Variants in IFT57 observed in about 807,000 individuals in gnomAD.
IFT57 encodes the protein intraflagellar transport 57.
IFT57 carries 59 observed loss-of-function variants against 56.8 expected under a neutral mutation model. That is an observed-to-expected ratio of 1.04 (90% confidence interval 0.84 to 1.29). IFT57 has a LOEUF of 1.29. Among genes scored for constraint, IFT57 ranks in the 50% most tolerant of loss-of-function variants. The pLI is 0.00. For synonymous variants in IFT57, 209 were observed against 186.1 expected (o/e 1.12, Z -1.00); for missense variants, 470 against 522.1 (o/e 0.90, Z 0.97).
chr3:108,221,886 G>T (rs2080407919), intron 1 of IFT57: 1 of 818,466 alleles, frequency 1.2e-6, no homozygotes, highest in African/African-American at 1.7e-5. Flanking sequence ...GATCCTTTCT[G>T]CCGTTCCAAA....
intron 3 of IFT57, among the ~76,000 whole-genome samples, chr3:108,216,578 A>C (rs1169671256): frequency 6.6e-6 from 1 of 152,216 alleles, no homozygotes; most frequent in East Asian, 1.9e-4. Flanking sequence ...GAGGTGCCTC[A>C]AAAAACTAAA....
intron 10 of IFT57, among the ~76,000 whole-genome samples, 163 bp downstream of exon 10, chr3:108,163,499 GA>G (rs2080045080): frequency 6.6e-6 from 1 of 152,008 alleles, no homozygotes; most frequent in Non-Finnish European, 1.5e-5. Context: ...TGATTTATAA[GA>G]AAAACAGTAC....
chr3:108,210,960 C>A (rs1289772), intron 4 of IFT57, among the ~76,000 whole-genome samples: 118,583 of 152,038 alleles, frequency 0.78, 47,251 homozygotes, highest in Non-Finnish European at 0.86. Flanking sequence ...CACCCCCAAT[C>A]ATGGTGCCTT....
At chr3:108,213,844 TC>T in intron 4 of IFT57, 86 bp downstream of exon 4, 2 of 730,588 alleles carry the variant, frequency 2.7e-6, no homozygotes, top group Admixed American at 5.1e-5. Context: ...TAAAATATAT[TC>T]CAGATAATGG....
intron 6 of IFT57, among the ~76,000 whole-genome samples, chr3:108,179,239 A>T (rs377651234): frequency 6.6e-6 from 1 of 151,894 alleles, no homozygotes; most frequent in South Asian, 2.1e-4. Context: ...GGTAGGGCCA[A>T]GTGAGAGCTA....
chr3:108,187,654 A>C lies in IFT57; in HGVS notation c.777+3867T>G, dbSNP rs542027447. 5.1e-4 allele frequency among the ~76,000 whole-genome samples: 78 copies of C among 151,900 alleles called. 2 individuals are homozygous for C. The highest frequency in any genetic ancestry group is 1.8e-3 in the African/African-American group (74 of 41,424). ...GAAGGGTGCCTGATTAAAAAAAAAA[A>C]GTGTGAGAGAAAAACGCAAAACACA... is the stretch of plus-strand genomic sequence containing the variant. On this transcript the variant is annotated intron_variant, in intron 6 of 10. Transcript: ENST00000264538.
chr3:108,219,658 T>C (rs888270564), intron 1 of IFT57, 86 bp from the exon 2 acceptor site: 2 of 1,358,616 alleles, frequency 1.5e-6, no homozygotes, highest in Non-Finnish European at 2.1e-6. Flanking sequence ...TTCACAATTG[T>C]CCAACAATCT....
chr3:108,214,292 T>C (rs555468836), intron 3 of IFT57, among the ~76,000 whole-genome samples: 3 of 152,278 alleles, frequency 2.0e-5, no homozygotes, highest in Non-Finnish European at 2.9e-5. Context: ...TAAATACATA[T>C]GTATTTCTCA....
intron 4 of IFT57, among the ~76,000 whole-genome samples, chr3:108,209,039 G>A (rs999519419): frequency 1.3e-5 from 2 of 152,184 alleles, no homozygotes; most frequent in African/African-American, 4.8e-5. Flanking sequence ...ACCAGCTGAG[G>A]TGCTTACTGA....
chr3:108,199,577 ATGAATTTTGTCC>A (rs111303404), intron 5 of IFT57, among the ~76,000 whole-genome samples: 1 of 152,358 alleles, frequency 6.6e-6, no homozygotes, highest in African/African-American at 2.4e-5. Flanking sequence ...GGTAAGGAAT[ATGAATTTTGTCC>A]TCCAGCCAGA....
At chr3:108,169,784 CA>C (rs1466689821) in intron 6 of IFT57, among the ~76,000 whole-genome samples, 7 of 151,962 alleles carry the variant, frequency 4.6e-5, no homozygotes, top group African/African-American at 1.7e-4. Flanking sequence ...AGCAGCACAT[CA>C]AAAAGCTTAT....
At chr3:108,214,446 C>T (rs1348070411) in intron 3 of IFT57, among the ~76,000 whole-genome samples, 4 of 152,070 alleles carry the variant, frequency 2.6e-5, no homozygotes, top group Non-Finnish European at 5.9e-5. Flanking sequence ...TTTATCATTA[C>T]ACATACCATT....
At chr3:108,212,366 G>A (rs1445089517) in intron 4 of IFT57, among the ~76,000 whole-genome samples, 2 of 152,062 alleles carry the variant, frequency 1.3e-5, no homozygotes, top group Non-Finnish European at 1.5e-5. Flanking sequence ...AAGCCAGCAT[G>A]CCCACCCAAC....
intron 6 of IFT57, among the ~76,000 whole-genome samples, chr3:108,176,582 G>A (rs983133607): frequency 1.3e-5 from 2 of 151,804 alleles, no homozygotes; most frequent in African/African-American, 4.8e-5. Flanking sequence ...ATGAACACGA[G>A]GGAAGGTTGC....
At chr3:108,206,554 C>T (rs1302595626) in intron 5 of IFT57, 74 bp downstream of exon 5, 1 of 621,694 alleles carries the variant, frequency 1.6e-6, no homozygotes, top group East Asian at 3.2e-5. Flanking sequence ...ACAACGGTTT[C>T]TACTCATTTA....
rs1017459667 is a variant in IFT57, at chr3:108,165,484, G to A, written c.991C>T (p.Arg331Ter). 9.9e-6 allele frequency: 16 copies of A among 1,612,028 alleles called. No homozygotes were observed. Among genetic ancestry groups the A allele is most frequent in the East Asian group, 4.5e-5 (2 of 44,850 alleles). Residue 331 changes from arginine to a stop codon, truncating the protein, a stop_gained, in exon 9 of 11, where the codon CGA becomes TGA. Transcript: ENST00000264538. LOFTEE classifies it high-confidence loss of function. ...AQAQLSEAKE[R>*]YQQGNGGVTE... ...ACTCCTCCATTTCCCTGCTGGTATC[G>A]CTCCTTTGCCTGAGAGGAAAAACAT... is the stretch of plus-strand genomic sequence containing the variant.
chr3:108,162,969 A>T (rs2080041922), intron 10 of IFT57, among the ~76,000 whole-genome samples: 1 of 152,086 alleles, frequency 6.6e-6, no homozygotes, highest in South Asian at 2.1e-4. Flanking sequence ...CTGTAGGAAA[A>T]GGAAATACAA....
At chr3:108,169,627 T>G (rs2080082148) in intron 6 of IFT57, among the ~76,000 whole-genome samples, 1 of 152,090 alleles carries the variant, frequency 6.6e-6, no homozygotes, top group African/African-American at 2.4e-5. Flanking sequence ...AGGTTTTACA[T>G]TTAAGTCTTT....
At chr3:108,166,704 G>A (rs2080065380) in intron 8 of IFT57, 150 bp downstream of exon 8, 4 of 565,962 alleles carry the variant, frequency 7.1e-6, no homozygotes, top group Non-Finnish European at 1.2e-5. Flanking sequence ...AAGTTCACTC[G>A]GCTCTCTTGG....
Sources: allele counts gnomAD v4.1 joint callset (sites outside exome capture counted in the v4.1 genomes callset), GRCh38; gene constraint gnomAD v4.1.1; transcripts MANE v1.5; gene names NCBI Gene and HGNC (gene_info 2026-07-23, HGNC 2026-07-21).